PRSS23: variants seen among roughly 807,000 people sequenced by gnomAD.
The protein encoded by PRSS23 is serine protease 23.
PRSS23 carries 25 observed loss-of-function variants against 34.7 expected under a neutral mutation model. The ratio of observed to expected loss-of-function variants is 0.72; its 90% CI spans 0.53 to 1.01. PRSS23 has a LOEUF of 1.01. Among genes scored for constraint, PRSS23 ranks in the 50% least tolerant of loss-of-function variants. The pLI is 0.00. For synonymous variants in PRSS23, 176 were observed against 186.6 expected, an observed-to-expected ratio of 0.94 and a Z score of 0.46; for missense variants, 445 against 475.6, an observed-to-expected ratio of 0.94 and a Z score of 0.60.
intron 2 of PRSS23, among the ~76,000 whole-genome samples, chr11:86,907,547 C>A (rs1442347261): frequency 6.6e-6 from 1 of 152,086 alleles, no homozygotes; most frequent in African/African-American, 2.4e-5. Context: ...CTCCCTGCAG[C>A]CTCTTGGGCT....
At chr11:86,926,743 A>C (rs1949084537) in intron 2 of PRSS23, among the ~76,000 whole-genome samples, 2 of 152,176 alleles carry the variant, frequency 1.3e-5, no homozygotes, top group Non-Finnish European at 2.9e-5. Flanking sequence ...TGGGGAAAGG[A>C]CCAAGCACTC....
chr11:86,862,884 G>C (rs1275812725), intron 2 of PRSS23, among the ~76,000 whole-genome samples: 2 of 151,732 alleles, frequency 1.3e-5, no homozygotes, highest in Non-Finnish European at 2.9e-5. Context: ...TAATATTCTA[G>C]GGAGATATTA....
chr11:86,840,491 GACTCCC>G (rs2134902920), intron 2 of PRSS23, among the ~76,000 whole-genome samples: 1 of 152,238 alleles, frequency 6.6e-6, no homozygotes, highest in African/African-American at 2.4e-5. Flanking sequence ...CCTACAAAGA[GACTCCC>G]ACACAATAAT....
At chr11:86,942,439 C>A (rs552335402) in intron 2 of PRSS23, among the ~76,000 whole-genome samples, 4 of 152,312 alleles carry the variant, frequency 2.6e-5, no homozygotes, top group Non-Finnish European at 4.4e-5. Flanking sequence ...AATGATGCAA[C>A]CCCAGGCATT....
intron 2 of PRSS23, among the ~76,000 whole-genome samples, chr11:86,931,144 A>G (rs148074735): frequency 2.0e-5 from 3 of 152,346 alleles, no homozygotes; most frequent in South Asian, 4.1e-4. Context: ...GACAACTCAT[A>G]TATCTGACAA....
At chr11:86,864,074 T>C (rs1054666029) in intron 2 of PRSS23, among the ~76,000 whole-genome samples, 2 of 152,260 alleles carry the variant, frequency 1.3e-5, no homozygotes, top group African/African-American at 4.8e-5. Flanking sequence ...AATCATTTTC[T>C]CTTCCAACAA....
chr11:86,862,545 C>T (rs546112737), intron 2 of PRSS23, among the ~76,000 whole-genome samples: 94 of 151,808 alleles, frequency 6.2e-4, no homozygotes, highest in African/African-American at 2.2e-3. Context: ...AATGTCACAG[C>T]GTGATATTAT....
In PRSS23 at chr11:86,951,177, C is replaced by A. The variant is rs146277634; in HGVS notation, c.207-39C>A. The stretch of plus-strand genomic sequence containing the variant: ...GTCTCACTGCCTTTTCCAGGCTTCA[C>A]CCAACCATTTCCTCTCTTCTCTCTC... On this transcript the variant is annotated intron_variant, in intron 2 of 2. Coordinates refer to the PRSS23 transcript ENST00000533902. 6.8e-6 allele frequency: 11 copies of A among 1,613,950 alleles called. No homozygotes were observed. In the African/African-American group the frequency reaches 1.3e-4, roughly 20 times the overall value.
At chr11:86,945,438 T>C (rs1157303883) in intron 2 of PRSS23, among the ~76,000 whole-genome samples, 2 of 151,958 alleles carry the variant, frequency 1.3e-5, no homozygotes, top group East Asian at 3.9e-4. Context: ...TCATGTGACC[T>C]ACTTGAGTGT....
chr11:86,945,123 A>G (rs1320604360), intron 2 of PRSS23, among the ~76,000 whole-genome samples: 1 of 152,152 alleles, frequency 6.6e-6, no homozygotes, highest in African/African-American at 2.4e-5. Context: ...TCCAATTTAT[A>G]AAATTAGCTA....
At chr11:86,888,523 T>A (rs137941730) in intron 2 of PRSS23, among the ~76,000 whole-genome samples, 17 of 152,242 alleles carry the variant, frequency 1.1e-4, no homozygotes, top group Non-Finnish European at 2.1e-4. Flanking sequence ...TGTCATACAA[T>A]CCCCGCCAGA....
At chr11:86,846,080 G>T (rs1440815355) in intron 2 of PRSS23, among the ~76,000 whole-genome samples, 1 of 152,022 alleles carries the variant, frequency 6.6e-6, no homozygotes, top group African/African-American at 2.4e-5. Context: ...ATCTCACTCT[G>T]GTTACCTGTT....
chr11:86,882,921 T>G (rs1948780773), intron 2 of PRSS23, among the ~76,000 whole-genome samples: 1 of 152,236 alleles, frequency 6.6e-6, no homozygotes, highest in Non-Finnish European at 1.5e-5. Context: ...GGTATCTCAT[T>G]GTGGTTTTGG....
intron 2 of PRSS23, among the ~76,000 whole-genome samples, chr11:86,842,147 T>C (rs1288153819): frequency 2.0e-5 from 3 of 152,210 alleles, no homozygotes; most frequent in Non-Finnish European, 1.5e-5. Context: ...TCAATAAACG[T>C]AATCCATCAC....
chr11:86,934,771 A>C, intron 2 of PRSS23: 1 of 152,362 alleles, frequency 6.6e-6, no homozygotes, highest in South Asian at 2.1e-4. Flanking sequence ...TGGGTAATCA[A>C]TCACATCCAG....
intron 2 of PRSS23, among the ~76,000 whole-genome samples, chr11:86,841,806 A>G (rs564390327): frequency 5.3e-5 from 8 of 152,212 alleles, no homozygotes; most frequent in Non-Finnish European, 8.8e-5. Context: ...TACCAACCAA[A>G]AAAAGTCCAG....
At chr11:86,859,900 A>C (rs1377898072) in intron 2 of PRSS23, among the ~76,000 whole-genome samples, 3 of 152,000 alleles carry the variant, frequency 2.0e-5, no homozygotes, top group African/African-American at 7.3e-5. Flanking sequence ...ATTACTCCAA[A>C]TATTGCAGGG....
intron 2 of PRSS23, among the ~76,000 whole-genome samples, chr11:86,906,429 C>T (rs1948943428): frequency 1.3e-5 from 2 of 152,260 alleles, no homozygotes; most frequent in Non-Finnish European, 1.5e-5. Context: ...AGCTGCCCGC[C>T]CCTGCGCCAC....
chr11:86,848,592 C>A (rs1004470722), intron 2 of PRSS23, among the ~76,000 whole-genome samples: 4 of 152,184 alleles, frequency 2.6e-5, no homozygotes, highest in Non-Finnish European at 4.4e-5. Flanking sequence ...TAAGAAGGCA[C>A]ACCCCCGTAA....
Sources: allele counts gnomAD v4.1 joint callset (sites outside exome capture counted in the v4.1 genomes callset), GRCh38; gene constraint gnomAD v4.1.1; transcripts MANE v1.5; gene names NCBI Gene and HGNC (gene_info 2026-07-23, HGNC 2026-07-21).